LPA: variants seen among roughly 807,000 people sequenced by gnomAD.
The protein encoded by LPA is lipoprotein(a), also known as apolipoprotein(a).
In LPA, 199 loss-of-function variants were observed where a neutral mutation model predicts 197.9. The observed-to-expected ratio is 1.01, with a 90% CI of 0.90 to 1.13. The LOEUF (loss-of-function observed/expected upper bound fraction) is 1.13, where lower values mean the gene tolerates loss of function less well. LPA is among the 50% of genes most tolerant of loss of function. LPA has a pLI of 0.00. For missense variants in LPA, 1,853 were observed against 1,785.8 expected (o/e 1.04, Z -0.68); for synonymous variants, 715 against 639.5 (o/e 1.12, Z -1.78).
At chr6:160,555,432 A>G (rs1778243750) in intron 30 of LPA, among the ~76,000 whole-genome samples, 1 of 82,772 alleles carries the variant, frequency 1.2e-5, no homozygotes, top group Admixed American at 1.1e-4. Context: ...ATGTTTCCCT[A>G]GAACATATAT....
chr6:160,546,765 C>G (rs1778078254), intron 32 of LPA, among the ~76,000 whole-genome samples: 1 of 152,132 alleles, frequency 6.6e-6, no homozygotes, highest in East Asian at 1.9e-4. Flanking sequence ...CCCCCCATAT[C>G]TGGTGTGAGA....
chr6:160,589,034 C>T (rs532826627), intron 24 of LPA, among the ~76,000 whole-genome samples: 2 of 152,220 alleles, frequency 1.3e-5, no homozygotes, highest in Non-Finnish European at 2.9e-5. Context: ...TCCTTTTGCC[C>T]CTCATGGGCT....
chr6:160,608,715 G>C (rs1264676862), intron 16 of LPA, among the ~76,000 whole-genome samples: 2 of 151,898 alleles, frequency 1.3e-5, no homozygotes, highest in Non-Finnish European at 2.9e-5. Context: ...CCAATCTCCC[G>C]TTCTCTTTTC....
chr6:160,599,647 T>C lies in LPA; in HGVS notation c.3140A>G (p.Glu1047Gly). The change falls in exon 20 of 39, where the codon GAA (glutamate) becomes GGA (glycine). Residue 1047 changes from glutamate to glycine, a missense_variant. Transcript: ENST00000316300. The stretch of plus-strand genomic sequence containing the variant: ...GTAGCAGTCCTGTACCCCGGGGGTT[T>C]CCTCAGTCAGTGCTGAAATTAAAAC... ...EAFFEQALTE[E>G]TPGVQDCYYH... 2 of 1,614,090 alleles carry C rather than the reference T, an allele frequency of 1.2e-6. No individual in the cohort carries two copies. Among genetic ancestry groups the C allele is most frequent in the Non-Finnish European group, 1.7e-6 (2 of 1,179,964 alleles).
At position 160,653,962 on chromosome 6, in the gene LPA, TATATTATATATAATATATAATATATA is replaced by T. The variant is rs1451965298; in HGVS notation, c.50-3491_50-3466del. Among the ~76,000 whole-genome samples, 40 of 30,948 alleles carry T rather than the reference TATATTATATATAATATATAATATATA, an allele frequency of 1.3e-3. 6 individuals carry two copies. The highest frequency in any genetic ancestry group is 5.7e-3 in the African/African-American group (40 of 7,044). 20.3% of individuals were successfully genotyped at this position (30,948 alleles called of 152,430 possible). ...TATTTTATATATATTATATATAATATATATTATATATAATATATAATATATAATATATATTATATATAATATATATT... is the reference window on the plus strand; with the variant it reads ...TATTTTATATATATTATATATAATATATATATATTATATATAATATATATT... On this transcript the variant is annotated intron_variant, in intron 1 of 38. Coordinates refer to ENST00000316300, the MANE Select transcript of LPA (RefSeq NM_005577.4).
Position 160,531,909 on chromosome 6 carries a change from A to T in LPA, c.5962-19T>A. 6.2e-7 allele frequency: 1 copy of T among 1,613,874 alleles called. No homozygotes were observed. Among genetic ancestry groups the T allele is most frequent in the Non-Finnish European group, 8.5e-7 (1 of 1,179,812 alleles). Reference sequence around the variant, plus strand: ...TGTCACCCTAAACAGAGGTAGGGGAAAATTCATGTGAGCTTTAAGCTGCCA... The same window carrying T: ...TGTCACCCTAAACAGAGGTAGGGGATAATTCATGTGAGCTTTAAGCTGCCA... On this transcript the variant is annotated intron_variant, in intron 38 of 38. Transcript: ENST00000316300.
chr6:160,599,762 A>G (rs577827766), intron 19 of LPA, 103 bp from the exon 20 acceptor site: 20 of 1,281,396 alleles, frequency 1.6e-5, no homozygotes, highest in Non-Finnish European at 2.1e-5. Flanking sequence ...GAGATTTACA[A>G]CCATTCTCTA....
intron 20 of LPA, among the ~76,000 whole-genome samples, chr6:160,596,278 A>T (rs1241867017): frequency 2.6e-5 from 4 of 152,182 alleles, no homozygotes; most frequent in Non-Finnish European, 5.9e-5. Context: ...GGATCTTTTC[A>T]AAGAATCAAC....
At chr6:160,605,375 C>A (rs1779326288) in intron 17 of LPA, among the ~76,000 whole-genome samples, 170 bp from the exon 18 acceptor site, 1 of 152,130 alleles carries the variant, frequency 6.6e-6, no homozygotes, top group Non-Finnish European at 1.5e-5. Flanking sequence ...TTGAGAAAAG[C>A]AACAACCAAC....
At chr6:160,571,479 C>G (rs894090519) in intron 28 of LPA, among the ~76,000 whole-genome samples, 9 of 152,166 alleles carry the variant, frequency 5.9e-5, no homozygotes, top group African/African-American at 1.4e-4. Context: ...CTCACAGCCA[C>G]CCCTTCCTCC....
chr6:160,611,431 C>T, intron 16 of LPA, 131 bp downstream of exon 16: 1 of 1,505,852 alleles, frequency 6.6e-7, no homozygotes, highest in East Asian at 2.3e-5. Flanking sequence ...AGGAAATCAT[C>T]CTGAGACATT....
chr6:160,539,896 A>G lies in LPA; in HGVS notation c.5735+147T>C. On this transcript the variant is annotated intron_variant, in intron 36 of 38. Transcript: ENST00000316300. ...TAACATGTGGCAGGGCTGGGGTTGA[A>G]GATTGATGCTGTCCCCAAAGCCCTT... The G allele has an allele frequency of 4.7e-6, 5 of 1,058,854 alleles. No homozygotes were observed. In the South Asian group the frequency reaches 5.3e-5, roughly 11 times the overall value. 65.6% of individuals were successfully genotyped at this position (1,058,854 alleles called of 1,614,324 possible).
intron 1 of LPA, among the ~76,000 whole-genome samples, chr6:160,651,809 TA>T (rs1221797537): frequency 9.9e-5 from 15 of 152,092 alleles, no homozygotes; most frequent in Non-Finnish European, 1.3e-4. Context: ...TATCCATGGA[TA>T]GGGGGAGAAT....
At chr6:160,598,203 T>C (rs1049394047) in intron 20 of LPA, among the ~76,000 whole-genome samples, 1 of 152,196 alleles carries the variant, frequency 6.6e-6, no homozygotes, top group African/African-American at 2.4e-5. Context: ...TTCCTCAATA[T>C]ATGGTGTTTT....
intron 27 of LPA, among the ~76,000 whole-genome samples, chr6:160,577,665 G>A (rs548232833): frequency 6.6e-6 from 1 of 152,240 alleles, no homozygotes; most frequent in South Asian, 2.1e-4. Flanking sequence ...TCAGTCAGGG[G>A]CCGACACAAG....
At chr6:160,573,916 A>G (rs1390199538) in intron 28 of LPA, among the ~76,000 whole-genome samples, 4 of 152,042 alleles carry the variant, frequency 2.6e-5, no homozygotes, top group Non-Finnish European at 5.9e-5. Flanking sequence ...CATCAGCTAT[A>G]CTAGTGTGGA....
rs1423579250 is a variant in LPA, at chr6:160,631,425, C to T, written c.1236-1670G>A. 2.9e-5 allele frequency among the ~76,000 whole-genome samples: 3 copies of T among 104,962 alleles called. No homozygotes were observed. In the Admixed American group the frequency reaches 3.5e-4, roughly 12 times the overall value. 68.9% of individuals were successfully genotyped at this position (104,962 alleles called of 152,430 possible). ...GGGGCAGTGCACAATATGCATTTAT[C>T]CGACATGGATGATCTTCAAGGCATT... On this transcript the variant is annotated intron_variant, in intron 8 of 38. Coordinates refer to ENST00000316300, the MANE Select transcript of LPA (RefSeq NM_005577.4).
rs548501182 is a variant in LPA at position 160,661,043 on chromosome 6, T to C, written c.49+3123A>G. ...GGTGGCCAAGTGGGGCTCAGCTGTGTTCCCATTGCAAGGCTACTGAGCATC... is the reference window on the plus strand; with the variant it reads ...GGTGGCCAAGTGGGGCTCAGCTGTGCTCCCATTGCAAGGCTACTGAGCATC... On this transcript the variant is annotated intron_variant, in intron 1 of 38. Coordinates refer to ENST00000316300, the MANE Select transcript of LPA (RefSeq NM_005577.4). 2.6e-5 allele frequency among the ~76,000 whole-genome samples: 4 copies of C among 152,302 alleles called. No homozygotes were observed. The East Asian group carries it at 7.7e-4, about 29-fold the overall frequency.
intron 18 of LPA, among the ~76,000 whole-genome samples, chr6:160,604,695 T>C (rs1292623502): frequency 1.3e-5 from 2 of 152,120 alleles, no homozygotes; most frequent in Admixed American, 6.5e-5. Context: ...ACTTCAGGAA[T>C]TGGAGTTTAG....
Sources: gnomAD v4.1 joint callset for allele counts (sites outside exome capture counted in the v4.1 genomes callset) on GRCh38, gnomAD v4.1.1 for gene constraint, MANE v1.5 for transcripts, NCBI Gene and HGNC (gene_info 2026-07-23, HGNC 2026-07-21) for gene names.